The following PTPRD variants were observed in gnomAD, a reference collection of about 807,000 sequenced individuals.
PTPRD encodes the protein receptor-type tyrosine-protein phosphatase delta.
In PTPRD, 34 loss-of-function variants were observed where a neutral mutation model predicts 214.5. The observed-to-expected ratio is 0.16, with a 90% CI of 0.12 to 0.21. PTPRD has a LOEUF of 0.21. PTPRD is among the 10% of genes least tolerant of loss of function. The pLI is 1.00. For synonymous variants in PTPRD, 1,128 were observed against 845.7 expected, an observed-to-expected ratio of 1.33 and a Z score of -5.79; for missense variants, 2,545 against 2,398.7, an observed-to-expected ratio of 1.06 and a Z score of -1.27.
intron 2 of PTPRD, among the ~76,000 whole-genome samples, chr9:10,390,472 G>T (rs912365735): frequency 2.6e-5 from 4 of 151,796 alleles, no homozygotes; most frequent in African/African-American, 9.7e-5. Context: ...CTGTTAAAAG[G>T]AGGCTTATTT....
chr9:9,092,289 T>A (rs544921590), intron 10 of PTPRD, among the ~76,000 whole-genome samples: 3 of 152,294 alleles, frequency 2.0e-5, no homozygotes, highest in African/African-American at 7.2e-5. Context: ...TGATTCTTCA[T>A]TCATGACTGT....
intron 9 of PTPRD, among the ~76,000 whole-genome samples, chr9:9,333,622 A>G (rs2043245781): frequency 6.6e-6 from 1 of 150,970 alleles, no homozygotes; most frequent in Admixed American, 6.6e-5. Flanking sequence ...AAATGTAAAG[A>G]AGATCTGAAA....
intron 4 of PTPRD, among the ~76,000 whole-genome samples, chr9:9,968,769 A>G (rs1196149348): frequency 6.6e-6 from 1 of 152,214 alleles, no homozygotes; most frequent in Non-Finnish European, 1.5e-5. Flanking sequence ...AAAAATTAGC[A>G]CAACGCCGTT....
intron 3 of PTPRD, among the ~76,000 whole-genome samples, chr9:10,093,693 A>C (rs1261352087): frequency 6.6e-6 from 1 of 151,556 alleles, no homozygotes; most frequent in Non-Finnish European, 1.5e-5. Context: ...GAATCAACCC[A>C]GGTGCCCATC....
intron 10 of PTPRD, among the ~76,000 whole-genome samples, chr9:9,147,921 T>G (rs1414538973): frequency 6.6e-6 from 1 of 152,180 alleles, no homozygotes; most frequent in Admixed American, 6.5e-5. Context: ...GAAGGTGGAC[T>G]CAGCAATTGG....
At chr9:10,265,614 T>C (rs1269427204) in intron 3 of PTPRD, among the ~76,000 whole-genome samples, 1 of 152,180 alleles carries the variant, frequency 6.6e-6, no homozygotes, top group Non-Finnish European at 1.5e-5. Context: ...TCTGTCATTG[T>C]AGCACAAAGG....
rs114032291 is a variant in PTPRD, at chr9:9,869,558, G to A, written c.-368+68949C>T. On this transcript the variant is annotated intron_variant, in intron 5 of 45. Transcript: ENST00000381196. ...TATCTGACATTGTATGTTTCCTGAC[G>A]GGATATAATAGCAAGCATATAATGC... 8.7e-3 allele frequency among the ~76,000 whole-genome samples: 1,319 copies of A among 151,942 alleles called. 18 individuals are homozygous for A. Among genetic ancestry groups the A allele is most frequent in the African/African-American group, 0.029 (1,217 of 41,458 alleles).
intron 7 of PTPRD, among the ~76,000 whole-genome samples, chr9:9,680,895 A>G (rs1446253385): frequency 6.6e-6 from 1 of 151,752 alleles, no homozygotes; most frequent in Non-Finnish European, 1.5e-5. Context: ...GAGCATTAAT[A>G]TTGTGGTACC....
chr9:8,686,360 C>T (rs1217666967), intron 12 of PTPRD, among the ~76,000 whole-genome samples: 2 of 152,134 alleles, frequency 1.3e-5, no homozygotes, highest in East Asian at 3.9e-4. Flanking sequence ...TATATACAAA[C>T]CCACATGTTG....
At chr9:8,949,167 T>C (rs1040150954) in intron 11 of PTPRD, among the ~76,000 whole-genome samples, 4 of 145,950 alleles carry the variant, frequency 2.7e-5, no homozygotes, top group Non-Finnish European at 4.5e-5. Flanking sequence ...GAGGGTGCAG[T>C]GAGCCAAGAT....
chr9:10,448,138 T>G (rs1435227386), intron 2 of PTPRD, among the ~76,000 whole-genome samples: 3 of 152,066 alleles, frequency 2.0e-5, no homozygotes, highest in Non-Finnish European at 4.4e-5. Context: ...ATTCAAGTCT[T>G]TTCGAGTCTT....
chr9:10,193,779 A>T (rs974664737), intron 3 of PTPRD, among the ~76,000 whole-genome samples: 11 of 152,314 alleles, frequency 7.2e-5, no homozygotes, highest in African/African-American at 2.6e-4. Flanking sequence ...TTTCAGATAC[A>T]AAAAGTAATA....
intron 6 of PTPRD, among the ~76,000 whole-genome samples, chr9:9,754,578 A>G (rs1251899404): frequency 1.3e-5 from 2 of 152,042 alleles, no homozygotes; most frequent in African/African-American, 4.8e-5. Context: ...CAAACTATAT[A>G]TATTACACAA....
At chr9:9,029,646 G>C (rs1428159992) in intron 10 of PTPRD, among the ~76,000 whole-genome samples, 2 of 151,936 alleles carry the variant, frequency 1.3e-5, no homozygotes, top group African/African-American at 4.8e-5. Context: ...CAAGGAGAAT[G>C]ATGATGGAAT....
At chr9:9,968,501 A>G (rs2094864205) in intron 4 of PTPRD, among the ~76,000 whole-genome samples, 1 of 152,230 alleles carries the variant, frequency 6.6e-6, no homozygotes, top group Non-Finnish European at 1.5e-5. Context: ...GCAAAAGTAA[A>G]GAGCAACTAG....
At position 8,534,224 on chromosome 9, in the gene PTPRD, C is replaced by T. The variant is rs111240739; in HGVS notation, c.353-5445G>A. On this transcript the variant is annotated intron_variant, in intron 14 of 45. Transcript: ENST00000381196. ...CTCATATATTGGTTTTCAGTTCCTA[C>T]GTGTCAGAAGCATGACCACATGACA... Among the ~76,000 whole-genome samples the T allele has an allele frequency of 6.6e-3, 1,002 of 151,976 alleles. 12 individuals carry two copies. The highest frequency in any genetic ancestry group is 0.023 in the African/African-American group (943 of 41,486).
At chr9:8,919,625 G>A (rs1414468991) in intron 11 of PTPRD, among the ~76,000 whole-genome samples, 1 of 152,078 alleles carries the variant, frequency 6.6e-6, no homozygotes, top group Non-Finnish European at 1.5e-5. Flanking sequence ...TCCATATACA[G>A]ATGTTCATCT....
chr9:9,126,443 G>A (rs1412912974), intron 10 of PTPRD, among the ~76,000 whole-genome samples: 2 of 152,068 alleles, frequency 1.3e-5, no homozygotes, highest in East Asian at 3.9e-4. Flanking sequence ...TAAGTGAAAC[G>A]ACATACAATG....
chr9:9,741,305 GAATT>G (rs2098398575), intron 6 of PTPRD, among the ~76,000 whole-genome samples: 1 of 151,968 alleles, frequency 6.6e-6, no homozygotes, highest in South Asian at 2.1e-4. Flanking sequence ...GAAGGACACA[GAATT>G]AATAACCAAT....
Sources: gnomAD v4.1 joint callset for allele counts (sites outside exome capture counted in the v4.1 genomes callset) on GRCh38, gnomAD v4.1.1 for gene constraint, MANE v1.5 for transcripts, NCBI Gene and HGNC (gene_info 2026-07-23, HGNC 2026-07-21) for gene names.